Variants in RGS7 observed in about 807,000 individuals in gnomAD.
The protein encoded by RGS7 is regulator of G protein signaling 7.
A neutral mutation model predicts 81.1 loss-of-function variants in RGS7; 27 were observed. That is an observed-to-expected ratio of 0.33 (90% CI 0.25 to 0.46). The LOEUF is 0.46. Among genes scored for constraint, RGS7 ranks in the 20% least tolerant of loss-of-function variants. The pLI, the probability that RGS7 is intolerant of heterozygous loss-of-function variation, is 1.00. For missense variants in RGS7, 396 were observed against 607.4 expected (o/e 0.65, Z 3.66); for synonymous variants, 208 against 207.7 (o/e 1.00, Z -0.01).
At chr1:241,069,322 T>C (rs996168264) in intron 3 of RGS7, among the ~76,000 whole-genome samples, 3 of 152,186 alleles carry the variant, frequency 2.0e-5, no homozygotes, top group African/African-American at 7.2e-5. Context: ...AGAGATACAA[T>C]GCTGACACAT....
chr1:240,813,356 G>T (rs1281231744), intron 13 of RGS7, among the ~76,000 whole-genome samples: 1 of 152,210 alleles, frequency 6.6e-6, no homozygotes, highest in Non-Finnish European at 1.5e-5. Flanking sequence ...AAGAGCTGAA[G>T]ATCCTAACTC....
At chr1:241,274,346 C>A (rs1232633982) in intron 2 of RGS7, among the ~76,000 whole-genome samples, 1 of 152,290 alleles carries the variant, frequency 6.6e-6, no homozygotes, top group African/African-American at 2.4e-5. Context: ...TAGTATTAAC[C>A]AGACACCTAA....
intron 3 of RGS7, among the ~76,000 whole-genome samples, chr1:241,010,337 A>G (rs2058896956): frequency 6.6e-6 from 1 of 152,224 alleles, no homozygotes; most frequent in Admixed American, 6.5e-5. Context: ...AAAGAATTAG[A>G]ATTTCTCTAT....
At chr1:241,009,794 G>C (rs761422492) in intron 3 of RGS7, among the ~76,000 whole-genome samples, 52 of 152,218 alleles carry the variant, frequency 3.4e-4, no homozygotes, top group Non-Finnish European at 7.2e-4. Context: ...GGACAAACTA[G>C]AAAGTGGAAG....
intron 3 of RGS7, among the ~76,000 whole-genome samples, chr1:240,998,232 A>G (rs1687589767): frequency 6.6e-6 from 1 of 151,918 alleles, no homozygotes; most frequent in Non-Finnish European, 1.5e-5. Flanking sequence ...TGCTTTCAAG[A>G]TGTTTGTTTT....
intron 10 of RGS7, among the ~76,000 whole-genome samples, chr1:240,817,495 T>C (rs568802787): frequency 6.6e-6 from 1 of 152,224 alleles, no homozygotes; most frequent in Non-Finnish European, 1.5e-5. Context: ...TGCTTTCACT[T>C]GGACCTTAAA....
At chr1:241,329,948 T>G (rs1402508443) in intron 2 of RGS7, among the ~76,000 whole-genome samples, 1 of 152,160 alleles carries the variant, frequency 6.6e-6, no homozygotes, top group African/African-American at 2.4e-5. Flanking sequence ...TGTTTTTTGT[T>G]TTTTGTTTTT....
At chr1:240,811,630 T>C (rs1490036334) in intron 14 of RGS7, among the ~76,000 whole-genome samples, 1 of 152,256 alleles carries the variant, frequency 6.6e-6, no homozygotes, top group Non-Finnish European at 1.5e-5. Context: ...CAAACATTGT[T>C]CTCTGTACTG....
At chr1:241,318,636 G>A (rs1236054946) in intron 2 of RGS7, among the ~76,000 whole-genome samples, 1 of 151,594 alleles carries the variant, frequency 6.6e-6, no homozygotes, top group Non-Finnish European at 1.5e-5. Flanking sequence ...TCTTATTTTT[G>A]TTGTTGTTGT....
chr1:240,939,825 C>A (rs1677267002), intron 4 of RGS7, among the ~76,000 whole-genome samples: 1 of 152,088 alleles, frequency 6.6e-6, no homozygotes. Flanking sequence ...AATCCCAGCA[C>A]TTCGGGAGGC....
At chr1:241,140,504 A>C (rs1425943462) in intron 2 of RGS7, among the ~76,000 whole-genome samples, 1 of 152,188 alleles carries the variant, frequency 6.6e-6, no homozygotes, top group Non-Finnish European at 1.5e-5. Flanking sequence ...CCTGGACTCA[A>C]GTGATGCTTC....
intron 9 of RGS7, among the ~76,000 whole-genome samples, chr1:240,859,278 G>C (rs1222904888): frequency 6.6e-6 from 1 of 152,002 alleles, no homozygotes; most frequent in East Asian, 1.9e-4. Flanking sequence ...GGGATTACAG[G>C]CATGAGCCAT....
chr1:241,330,277 T>C (rs1215149753), intron 2 of RGS7, among the ~76,000 whole-genome samples: 1 of 151,996 alleles, frequency 6.6e-6, no homozygotes, highest in Admixed American at 6.6e-5. Context: ...GGCCCATAAC[T>C]CTCTCATCTG....
At chr1:240,892,460 C>A (rs1668429490) in intron 6 of RGS7, among the ~76,000 whole-genome samples, 1 of 152,130 alleles carries the variant, frequency 6.6e-6, no homozygotes. Context: ...CCATAAAGCT[C>A]CTCAGTGAAA....
At chr1:241,350,812 G>GAC (rs1323359267) in intron 2 of RGS7, among the ~76,000 whole-genome samples, 2 of 148,960 alleles carry the variant, frequency 1.3e-5, no homozygotes, top group African/African-American at 5.0e-5. Context: ...GAGAAACATC[G>GAC]ACACCCTCAG....
At chr1:241,306,461 C>T (rs2080147281) in intron 2 of RGS7, among the ~76,000 whole-genome samples, 1 of 149,900 alleles carries the variant, frequency 6.7e-6, no homozygotes, top group African/African-American at 2.5e-5. Flanking sequence ...GGCACATATG[C>T]ACACGTCCAC....
intron 2 of RGS7, among the ~76,000 whole-genome samples, chr1:241,118,436 T>C (rs59912976): frequency 0.15 from 22,601 of 152,056 alleles, 3,017 homozygotes; most frequent in African/African-American, 0.35. Context: ...TTATTGAGAA[T>C]CCCAAAGAGA....
At chr1:241,043,999 A>G (rs113186934) in intron 3 of RGS7, among the ~76,000 whole-genome samples, 90 of 152,212 alleles carry the variant, frequency 5.9e-4, no homozygotes, top group African/African-American at 2.1e-3. Context: ...CATTTCAACA[A>G]CCTACTACAA....
chr1:240,893,064 G>A (rs1365404204), intron 6 of RGS7, among the ~76,000 whole-genome samples: 5 of 151,994 alleles, frequency 3.3e-5, no homozygotes, highest in Admixed American at 6.6e-5. Context: ...AACTAGGAAC[G>A]CTAAGATAAA....
Sources: allele counts gnomAD v4.1 joint callset (sites outside exome capture counted in the v4.1 genomes callset), GRCh38; gene constraint gnomAD v4.1.1; transcripts MANE v1.5; gene names NCBI Gene and HGNC (gene_info 2026-07-23, HGNC 2026-07-21).